The following CTSB variants were observed in gnomAD, a reference collection of about 807,000 sequenced individuals.
CTSB encodes the protein cathepsin B, also known as APP secretase.
A neutral mutation model predicts 44.3 loss-of-function variants in CTSB; 57 were observed. That is an observed-to-expected ratio of 1.29 (90% CI 1.04 to 1.60). The LOEUF (loss-of-function observed/expected upper bound fraction) is 1.60, where lower values mean the gene tolerates loss of function less well. Among genes scored for constraint, CTSB ranks in the 40% most tolerant of loss-of-function variants. The pLI is 0.00. For missense variants in CTSB, 768 were observed against 443.0 expected (o/e 1.73, Z -6.59); for synonymous variants, 320 against 168.0 (o/e 1.91, Z -7.00).
Position 11,847,718 on chromosome 8 carries a change from G to T in CTSB, c.637C>A (p.Pro213Thr), listed in dbSNP as rs779605179. 1 of 1,593,970 alleles carries T rather than the reference G, an allele frequency of 6.3e-7. No homozygotes were observed. Among genetic ancestry groups the T allele is most frequent in the Admixed American group, 1.8e-5 (1 of 54,336 alleles). The change falls in exon 7 of 10, where the codon CCT becomes ACT. Residue 213 changes from proline (P) to threonine (T), a missense_variant. By Grantham distance (38) the Pro-to-Thr change is conservative. Transcript: ENST00000353047. ...DTPKCSKICE[P>T]GYSPTYKQDK... Reference sequence around the variant, plus strand: ...TGTTTGTAGGTCGGGCTGTAGCCAGGCTCACAGATCTTGCTACACTTGGGG... The same window carrying T: ...TGTTTGTAGGTCGGGCTGTAGCCAGTCTCACAGATCTTGCTACACTTGGGG...
At position 11,844,452 on chromosome 8, in the gene CTSB, C is replaced by G. The variant is rs1812855113; in HGVS notation, c.*673G>C. The G allele has an allele frequency of 6.6e-6, 1 of 152,236 alleles. No individual in the cohort carries two copies. The highest frequency in any genetic ancestry group is 2.4e-5 in the African/African-American group (1 of 41,460). 9.4% of individuals were successfully genotyped at this position (152,236 alleles called of 1,614,324 possible). A position where few individuals can be genotyped will look rare whatever the true frequency, so the allele number is the denominator to read the frequency against. Reference sequence around the variant, plus strand: ...CTTGTGGTAGTAGAGATCAGTGGGTCAGAAACAACTCCTGACCACTTGGTT... The same window carrying G: ...CTTGTGGTAGTAGAGATCAGTGGGTGAGAAACAACTCCTGACCACTTGGTT... On this transcript the variant is annotated 3_prime_UTR_variant, in exon 10 of 10. Coordinates refer to ENST00000353047, the MANE Select transcript of CTSB (RefSeq NM_001908.5).
At chr8:11,845,937 C>G in intron 8 of CTSB, 148 bp from the exon 9 acceptor site, 3 of 838,252 alleles carry the variant, frequency 3.6e-6, no homozygotes, top group Non-Finnish European at 5.1e-6. Context: ...CAGGGGGGGT[C>G]CCACAATACT....
At position 11,847,834 on chromosome 8, in the gene CTSB, C is replaced by A. The variant is rs375119873; in HGVS notation, c.533-12G>T. 13 of 1,581,620 alleles carry A rather than the reference C, an allele frequency of 8.2e-6. No homozygotes were observed. The highest frequency in any genetic ancestry group is 1.7e-4 in the Middle Eastern group (1 of 5,924). The stretch of plus-strand genomic sequence containing the variant: ...GTACGGTCTGCACCCTGATGGGACG[C>A]GGGAGAAAGCGGAGTCAACCTACAG... On this transcript the variant is annotated splice_polypyrimidine_tract_variant and intron_variant, in intron 6 of 9. Coordinates refer to ENST00000353047, the MANE Select transcript of CTSB (RefSeq NM_001908.5).
intron 2 of CTSB, 110 bp from the exon 3 acceptor site, chr8:11,852,805 C>T: frequency 1.1e-6 from 1 of 920,354 alleles, no homozygotes; most frequent in East Asian, 2.6e-5. Flanking sequence ...CTACCCAATT[C>T]AAGGGCCCAA....
At chr8:11,864,855 G>C (rs1816900821) in intron 1 of CTSB, among the ~76,000 whole-genome samples, 2 of 151,966 alleles carry the variant, frequency 1.3e-5, no homozygotes. Context: ...TGAGGTTGCA[G>C]TGAGCTGAGA....
chr8:11,858,154 C>A (rs975552482), intron 1 of CTSB, among the ~76,000 whole-genome samples: 2 of 152,204 alleles, frequency 1.3e-5, no homozygotes, highest in African/African-American at 4.8e-5. Flanking sequence ...GCCTGGCATG[C>A]AGTGATAAGG....
chr8:11,850,837 C>T (rs752756483), intron 4 of CTSB, 29 bp downstream of exon 4: 64 of 1,539,382 alleles, frequency 4.2e-5, no homozygotes, highest in Admixed American at 2.7e-4. Context: ...TTCTCTCCAG[C>T]GCTTCCCCGC....
chr8:11,856,844 CTTACTT>C (rs1240892319), intron 1 of CTSB, among the ~76,000 whole-genome samples: 1 of 134,926 alleles, frequency 7.4e-6, no homozygotes, highest in Admixed American at 7.5e-5. Flanking sequence ...ACAACATACC[CTTACTT>C]TTAAGAAAAA....
At chr8:11,859,264 C>A (rs960568847) in intron 1 of CTSB, among the ~76,000 whole-genome samples, 1 of 152,072 alleles carries the variant, frequency 6.6e-6, no homozygotes, top group Non-Finnish European at 1.5e-5. Flanking sequence ...GGCCAGGCGA[C>A]TCTATCAACC....
Position 11,845,073 on chromosome 8 carries a change from C to G in CTSB, c.*52G>C. ...TTACGTGAACTTAAAGAATAAAATG[C>G]ATTTCTACCCCGATCTCGCCCCCAG... On this transcript the variant is annotated 3_prime_UTR_variant, in exon 10 of 10. Coordinates refer to ENST00000353047, the MANE Select transcript of CTSB (RefSeq NM_001908.5). 8.3e-7 allele frequency: 1 copy of G among 1,202,028 alleles called. No homozygotes were observed. The highest frequency in any genetic ancestry group is 1.2e-6 in the Non-Finnish European group (1 of 807,630). The allele number at this position is 1,202,028 out of a possible 1,614,324, so 74.5% of individuals were successfully genotyped here. A position where few individuals can be genotyped will look rare whatever the true frequency, so the allele number is the denominator to read the frequency against.
intron 1 of CTSB, among the ~76,000 whole-genome samples, chr8:11,866,029 A>G (rs931026328): frequency 5.9e-5 from 9 of 151,452 alleles, no homozygotes; most frequent in East Asian, 3.9e-4. Context: ...AAAAAAAAAA[A>G]AAAGAAAGAA....
Position 11,852,699 on chromosome 8 carries a change from G to A in CTSB, c.127-4C>T. On this transcript the variant is annotated splice_polypyrimidine_tract_variant and splice_region_variant and intron_variant, in intron 2 of 9. Coordinates refer to ENST00000353047, the MANE Select transcript of CTSB (RefSeq NM_001908.5). ...CGTTGTAGAAGTTGTGCCCGGCCTG[G>A]AAGAGAGTCACCCACTGACTGAAGG... The A allele has an allele frequency of 2.5e-6, 4 of 1,613,708 alleles. No homozygotes were observed. Among genetic ancestry groups the A allele is most frequent in the Non-Finnish European group, 3.4e-6 (4 of 1,179,888 alleles).
At position 11,843,334 on chromosome 8, in the gene CTSB, C is replaced by T. The variant is rs528198028; in HGVS notation, c.*1791G>A. The T allele has an allele frequency of 6.6e-6, 1 of 152,330 alleles. No individual in the cohort carries two copies. The allele number at this position is 152,330 out of a possible 1,614,324, so 9.4% of individuals were successfully genotyped here. On this transcript the variant is annotated 3_prime_UTR_variant, in exon 10 of 10. Transcript: ENST00000353047. The stretch of plus-strand genomic sequence containing the variant: ...TTTCAGAGCTTATTTGATCTAGCAT[C>T]TGGTTCCTAAATTCTGAGTCACATC...
chr8:11,846,042 A>G, intron 8 of CTSB: 1 of 335,648 alleles, frequency 3.0e-6, no homozygotes. Flanking sequence ...TTGGCTTTAA[A>G]AATAGAATTT....
At chr8:11,863,635 T>C (rs1816724648) in intron 1 of CTSB, among the ~76,000 whole-genome samples, 1 of 152,196 alleles carries the variant, frequency 6.6e-6, no homozygotes, top group Admixed American at 6.5e-5. Context: ...CCCACATGCT[T>C]AGCGTTCTAA....
chr8:11,845,854 C>T (rs1292815909), intron 8 of CTSB, 65 bp from the exon 9 acceptor site: 1 of 1,504,690 alleles, frequency 6.6e-7, no homozygotes, highest in Non-Finnish European at 8.9e-7. Flanking sequence ...CAGCACCCCC[C>T]ACACTCAGCT....
intron 1 of CTSB, among the ~76,000 whole-genome samples, chr8:11,866,834 TGA>T (rs1005109882): frequency 8.5e-5 from 13 of 152,212 alleles, no homozygotes; most frequent in African/African-American, 2.9e-4. Context: ...TGCTCCAGCC[TGA>T]GAGACAGAGC....
intron 4 of CTSB, chr8:11,849,411 G>T (rs181949348): frequency 4.4e-4 from 145 of 332,712 alleles, no homozygotes; most frequent in African/African-American, 2.8e-3. Context: ...CTCCCAAAGT[G>T]CTGGGATTAG....
In CTSB at chr8:11,843,503, T is replaced by C. The variant is rs971365501; in HGVS notation, c.*1622A>G. The C allele has an allele frequency of 6.6e-6, 1 of 152,236 alleles. No homozygotes were observed. The highest frequency in any genetic ancestry group is 1.5e-5 in the Non-Finnish European group (1 of 68,052). 9.4% of individuals were successfully genotyped at this position (152,236 alleles called of 1,614,324 possible). ...CTCTATACCAAGAACTGCTATAACA[T>C]GTTTCTAAACCAGGGCTATGCAAAG... On this transcript the variant is annotated 3_prime_UTR_variant, in exon 10 of 10. Transcript: ENST00000353047.
Sources: allele counts gnomAD v4.1 joint callset (sites outside exome capture counted in the v4.1 genomes callset), GRCh38; gene constraint gnomAD v4.1.1; transcripts MANE v1.5; gene names NCBI Gene and HGNC (gene_info 2026-07-23, HGNC 2026-07-21).